CNOT6: variants seen among roughly 807,000 people sequenced by gnomAD.
CNOT6 encodes the protein CCR4-NOT transcription complex subunit 6.
A neutral mutation model predicts 61.2 loss-of-function variants in CNOT6; 12 were observed. That is an observed-to-expected ratio of 0.20 (90% confidence interval 0.13 to 0.32). The LOEUF is 0.32. CNOT6 is among the 10% of genes least tolerant of loss of function. CNOT6 has a pLI of 1.00. For missense variants in CNOT6, 405 were observed against 663.9 expected (o/e 0.61, Z 4.28); for synonymous variants, 225 against 240.6 (o/e 0.94, Z 0.60).
In CNOT6 at chr5:180,575,444, T is replaced by C. The variant is rs1379748787; in HGVS notation, c.*1244T>C. The C allele has an allele frequency of 6.6e-6, 1 of 152,130 alleles. No homozygotes were observed. Among genetic ancestry groups the C allele is most frequent in the Non-Finnish European group, 1.5e-5 (1 of 68,008 alleles). 9.4% of individuals were successfully genotyped at this position (152,130 alleles called of 1,614,324 possible). Reference sequence around the variant, plus strand: ...TCTTTTTGTCGTCAGTGTCTTTTCCTTAGTCTTTTTGTTGTTGTTGTTGTT... The same window carrying C: ...TCTTTTTGTCGTCAGTGTCTTTTCCCTAGTCTTTTTGTTGTTGTTGTTGTT... On this transcript the variant is annotated 3_prime_UTR_variant, in exon 12 of 12. Coordinates refer to ENST00000261951, the MANE Select transcript of CNOT6 (RefSeq NM_001370472.1).
intron 10 of CNOT6, 144 bp downstream of exon 10, chr5:180,569,484 G>A (rs1760638332): frequency 1.6e-6 from 1 of 632,172 alleles, no homozygotes; most frequent in Admixed American, 3.1e-5. Flanking sequence ...ACATCATGTT[G>A]GGGTGGAGGG....
chr5:180,565,391 GT>G (rs2127761810), intron 6 of CNOT6, among the ~76,000 whole-genome samples: 1 of 152,274 alleles, frequency 6.6e-6, no homozygotes, highest in African/African-American at 2.4e-5. Flanking sequence ...CTGTGATACC[GT>G]TTTCATTTTG....
In CNOT6 at chr5:180,496,037, T is replaced by C. The variant is rs1302220071; in HGVS notation, c.-3+1274T>C. Among the ~76,000 whole-genome samples the C allele has an allele frequency of 2.0e-5, 3 of 152,290 alleles. No homozygotes were observed. The East Asian group carries it at 5.8e-4, about 29-fold the overall frequency. On this transcript the variant is annotated intron_variant, in intron 1 of 11. Transcript: ENST00000261951. ...AAGCGATCCTTTTGCCTCACCCTCC[T>C]GACTAGCTGGGACTACCGGCAGACA...
At chr5:180,544,698 G>A (rs879931862) in intron 2 of CNOT6, among the ~76,000 whole-genome samples, 1 of 152,290 alleles carries the variant, frequency 6.6e-6, no homozygotes, top group East Asian at 1.9e-4. Context: ...AAAATGAACC[G>A]CCATAAATCC....
rs1316857690 is a variant in CNOT6, at chr5:180,577,491, CAG to C, written c.*3293_*3294del. ...AGCACCGTTTTTTCAGTGAAGCTCT[CAG>C]AATGTCCAGTACAGATGTTGCAGAT... is the stretch of plus-strand genomic sequence containing the variant. On this transcript the variant is annotated 3_prime_UTR_variant, in exon 12 of 12. Coordinates refer to ENST00000261951, the MANE Select transcript of CNOT6 (RefSeq NM_001370472.1). The C allele has an allele frequency of 6.6e-6, 1 of 152,616 alleles. No individual in the cohort carries two copies. The highest frequency in any genetic ancestry group is 1.5e-5 in the Non-Finnish European group (1 of 68,038). 9.5% of individuals were successfully genotyped at this position (152,616 alleles called of 1,614,324 possible). A position where few individuals can be genotyped will look rare whatever the true frequency, so the allele number is the denominator to read the frequency against.
At chr5:180,518,924 G>C (rs1230460449) in intron 1 of CNOT6, among the ~76,000 whole-genome samples, 9 of 152,192 alleles carry the variant, frequency 5.9e-5, no homozygotes, top group South Asian at 2.1e-4. Flanking sequence ...TGTTGCCCAG[G>C]CTGGTTTCGA....
chr5:180,568,113 G>A, intron 9 of CNOT6, 110 bp downstream of exon 9: 1 of 1,047,470 alleles, frequency 9.5e-7, no homozygotes, highest in East Asian at 2.7e-5. Flanking sequence ...AACACCTGAA[G>A]AAACTCAGTG....
chr5:180,505,675 G>A (rs894148653), intron 1 of CNOT6, among the ~76,000 whole-genome samples: 4 of 151,274 alleles, frequency 2.6e-5, no homozygotes, highest in Admixed American at 6.6e-5. Context: ...AGCCTCCCGC[G>A]TAGCTGGGAC....
chr5:180,572,410 G>T (rs1268568068), intron 11 of CNOT6, among the ~76,000 whole-genome samples: 3 of 151,922 alleles, frequency 2.0e-5, no homozygotes, highest in African/African-American at 7.3e-5. Context: ...GGCTGGTCTT[G>T]AATACCTGGC....
intron 4 of CNOT6, among the ~76,000 whole-genome samples, chr5:180,555,154 C>G (rs947826610): frequency 2.2e-4 from 34 of 151,934 alleles, no homozygotes; most frequent in Admixed American, 2.2e-3. Flanking sequence ...TTACAGGTAC[C>G]CACCACCATG....
intron 1 of CNOT6, among the ~76,000 whole-genome samples, chr5:180,504,905 A>G (rs1757051617): frequency 6.6e-6 from 1 of 151,358 alleles, no homozygotes; most frequent in Non-Finnish European, 1.5e-5. Flanking sequence ...ATTCTTACTG[A>G]TAATTGATAG....
rs112652741 is a variant in CNOT6, at chr5:180,497,992, G to A, written c.-3+3229G>A. On this transcript the variant is annotated intron_variant, in intron 1 of 11. Coordinates refer to ENST00000261951, the MANE Select transcript of CNOT6 (RefSeq NM_001370472.1). ...TGGGAGGCAGAGCCTGCAGTGAGCC[G>A]AGAGCACGCCATTGCACTCCAGCCT... Among the ~76,000 whole-genome samples the A allele has an allele frequency of 6.4e-3, 963 of 150,392 alleles. 9 individuals are homozygous for A. Among genetic ancestry groups the A allele is most frequent in the Non-Finnish European group, 0.01 (680 of 67,848 alleles).
intron 4 of CNOT6, among the ~76,000 whole-genome samples, chr5:180,554,433 A>T (rs901681535): frequency 1.4e-5 from 2 of 142,626 alleles, no homozygotes; most frequent in Non-Finnish European, 3.1e-5. Context: ...AAAAAAAAAA[A>T]GGAATTGCAC....
chr5:180,561,353 GTTT>G, intron 4 of CNOT6, among the ~76,000 whole-genome samples: 2 of 101,622 alleles, frequency 2.0e-5, no homozygotes, highest in African/African-American at 3.6e-5. Context: ...TTTCTTGTGT[GTTT>G]TGTGTGTGTG....
chr5:180,567,816 T>G, intron 8 of CNOT6, 33 bp from the exon 9 acceptor site: 1 of 936,522 alleles, frequency 1.1e-6, no homozygotes, highest in Non-Finnish European at 1.4e-6. Flanking sequence ...TTCCCAACTC[T>G]GTGTGTGTGT....
At chr5:180,516,308 T>A (rs1374674420) in intron 1 of CNOT6, among the ~76,000 whole-genome samples, 1 of 151,650 alleles carries the variant, frequency 6.6e-6, no homozygotes, top group Non-Finnish European at 1.5e-5. Context: ...AGCCTCCGAG[T>A]AGCTGGGACT....
chr5:180,527,488 C>T (rs763186319), intron 1 of CNOT6, among the ~76,000 whole-genome samples: 2 of 152,066 alleles, frequency 1.3e-5, no homozygotes, highest in African/African-American at 4.8e-5. Context: ...GCAAGTGTAA[C>T]GTTCTGTAGT....
At chr5:180,508,818 T>TATA (rs1554096672) in intron 1 of CNOT6, among the ~76,000 whole-genome samples, 5 of 138,428 alleles carry the variant, frequency 3.6e-5, no homozygotes, top group African/African-American at 1.3e-4. Context: ...ATTAATTAAT[T>TATA]TTATTATTAT....
At chr5:180,512,155 G>C (rs570341222) in intron 1 of CNOT6, among the ~76,000 whole-genome samples, 1 of 152,306 alleles carries the variant, frequency 6.6e-6, no homozygotes, top group South Asian at 2.1e-4. Flanking sequence ...AGAATACTCA[G>C]CAAAACTTCA....
Sources: allele counts gnomAD v4.1 joint callset (sites outside exome capture counted in the v4.1 genomes callset), GRCh38; gene constraint gnomAD v4.1.1; transcripts MANE v1.5; gene names NCBI Gene and HGNC (gene_info 2026-07-23, HGNC 2026-07-21).